CRADD: variants seen among roughly 807,000 people sequenced by gnomAD.
CRADD encodes the protein death domain-containing protein CRADD.
CRADD carries 9 observed loss-of-function variants against 15.5 expected under a neutral mutation model. The observed-to-expected ratio is 0.58, with a 90% CI of 0.35 to 1.01. CRADD has a LOEUF of 1.01. Ranked by LOEUF, CRADD falls within the 50% of genes least tolerant of loss-of-function variation. The pLI is 0.02. For missense variants in CRADD, 227 were observed against 250.3 expected, an observed-to-expected ratio of 0.91 and a Z score of 0.63; for synonymous variants, 118 against 107.6, an observed-to-expected ratio of 1.10 and a Z score of -0.60.
In CRADD at chr12:93,781,500, A is replaced by G. The variant is rs114914206; in HGVS notation, c.299-68470A>G. The stretch of plus-strand genomic sequence containing the variant: ...TAAGCAACAACCATTAATGAATGAT[A>G]AAATCAGGTAAAATTGGTGCTTTCT... On this transcript the variant is annotated intron_variant, in intron 2 of 2. Transcript: ENST00000332896. 8.5e-3 allele frequency among the ~76,000 whole-genome samples: 1,299 copies of G among 152,362 alleles called. 22 individuals are homozygous for G. The highest frequency in any genetic ancestry group is 0.03 in the African/African-American group (1,241 of 41,578).
At chr12:93,894,368 G>T in exon 3 of CRADD, 1 of 522,382 alleles carries the variant, frequency 1.9e-6, no homozygotes, top group Non-Finnish European at 3.4e-6. Context: ...AAAGAAGTAT[G>T]TTGTCCAAAA....
chr12:93,780,941 A>G (rs1378781710), intron 2 of CRADD, among the ~76,000 whole-genome samples: 2 of 148,392 alleles, frequency 1.3e-5, no homozygotes, highest in Non-Finnish European at 3.0e-5. Flanking sequence ...TTTTTAGTAG[A>G]GACACGGTTT....
intron 2 of CRADD, among the ~76,000 whole-genome samples, chr12:93,797,752 A>G (rs909511564): frequency 6.6e-6 from 1 of 152,198 alleles, no homozygotes; most frequent in African/African-American, 2.4e-5. Context: ...CACAAAGAAC[A>G]TTATAACAAT....
chr12:93,826,356 T>G (rs1957823811), intron 2 of CRADD, among the ~76,000 whole-genome samples: 1 of 152,358 alleles, frequency 6.6e-6, no homozygotes, highest in Non-Finnish European at 1.5e-5. Flanking sequence ...CGATTCTTTT[T>G]GTTGTTCCAA....
intron 2 of CRADD, among the ~76,000 whole-genome samples, chr12:93,858,885 A>T (rs887579899): frequency 6.6e-6 from 1 of 152,244 alleles, no homozygotes; most frequent in Non-Finnish European, 1.5e-5. Flanking sequence ...CAGGCCTTGT[A>T]GGTTTCCCCA....
intron 2 of CRADD, among the ~76,000 whole-genome samples, chr12:93,846,956 AG>A (rs1351527893): frequency 6.6e-6 from 1 of 152,050 alleles, no homozygotes; most frequent in East Asian, 1.9e-4. Context: ...AAAAAAAATT[AG>A]CCAGGCATGG....
intron 2 of CRADD, among the ~76,000 whole-genome samples, chr12:93,765,885 G>T (rs957718998): frequency 1.3e-5 from 2 of 151,816 alleles, no homozygotes; most frequent in Admixed American, 1.3e-4. Context: ...AGACTGTCAT[G>T]TATGATTTTA....
chr12:93,868,157 AG>A (rs1958386454), intron 2 of CRADD, among the ~76,000 whole-genome samples: 2 of 152,248 alleles, frequency 1.3e-5, no homozygotes, highest in Non-Finnish European at 2.9e-5. Flanking sequence ...AACTCCTACA[AG>A]TAATCCTATA....
Position 93,839,485 on chromosome 12 carries a change from C to T in CRADD, c.299-10485C>T, listed in dbSNP as rs186592657. 6.3e-4 allele frequency among the ~76,000 whole-genome samples: 96 copies of T among 152,282 alleles called. No homozygotes were observed. The East Asian group carries it at 9.6e-3, about 15-fold the overall frequency. ...CTTTTCTTGGGTACGTCTAACAGAA[C>T]AAGATTGGAAAGTACATTCAATTTT... On this transcript the variant is annotated intron_variant, in intron 2 of 2. Coordinates refer to ENST00000332896, the MANE Select transcript of CRADD (RefSeq NM_003805.5).
chr12:93,877,313 C>T (rs544096591), intron 2 of CRADD, among the ~76,000 whole-genome samples: 126 of 152,314 alleles, frequency 8.3e-4, no homozygotes, highest in African/African-American at 2.9e-3. Context: ...CCACTACTGC[C>T]TATGTAACCA....
chr12:93,706,183 T>C (rs1955947986), intron 2 of CRADD, among the ~76,000 whole-genome samples: 1 of 152,238 alleles, frequency 6.6e-6, no homozygotes, highest in Non-Finnish European at 1.5e-5. Context: ...CAAGCAAATA[T>C]GTGCAAATAT....
chr12:93,854,206 G>A (rs1331091800), downstream of CRADD, among the ~76,000 whole-genome samples: 4 of 146,256 alleles, frequency 2.7e-5, no homozygotes, highest in East Asian at 2.2e-4. Context: ...GGGCTCTCTC[G>A]TGTATCTGTG....
intron 2 of CRADD, among the ~76,000 whole-genome samples, chr12:93,805,872 A>G (rs1462274374): frequency 1.3e-5 from 2 of 152,118 alleles, no homozygotes; most frequent in Non-Finnish European, 2.9e-5. Context: ...ATAATGCGGC[A>G]TAGAGCTCAT....
intron 2 of CRADD, among the ~76,000 whole-genome samples, chr12:93,786,680 A>C (rs1448560226): frequency 6.6e-6 from 1 of 152,192 alleles, no homozygotes; most frequent in Non-Finnish European, 1.5e-5. Context: ...TAGAGGTAGA[A>C]GGCAGTAAAA....
chr12:93,725,475 A>G (rs1956344476), intron 2 of CRADD, among the ~76,000 whole-genome samples: 1 of 152,224 alleles, frequency 6.6e-6, no homozygotes, highest in South Asian at 2.1e-4. Flanking sequence ...TTGACTTGAA[A>G]GGCCCTCATT....
At chr12:93,749,546 CCCTT>C (rs1956807553) in intron 2 of CRADD, among the ~76,000 whole-genome samples, 1 of 152,148 alleles carries the variant, frequency 6.6e-6, no homozygotes. Context: ...TCCAGCCTTT[CCCTT>C]GTTTTTAACT....
chr12:93,770,241 G>T (rs376481298), intron 2 of CRADD, among the ~76,000 whole-genome samples: 6 of 151,282 alleles, frequency 4.0e-5, no homozygotes, highest in Admixed American at 6.6e-5. Flanking sequence ...GACTACAGGC[G>T]CCCGCCATCA....
At chr12:93,734,305 C>G (rs965356475) in intron 2 of CRADD, among the ~76,000 whole-genome samples, 1 of 152,062 alleles carries the variant, frequency 6.6e-6, no homozygotes, top group African/African-American at 2.4e-5. Context: ...ATTTCATTTG[C>G]TTTTTAAAAC....
At chr12:93,880,019 T>C (rs1006302077) in intron 2 of CRADD, among the ~76,000 whole-genome samples, 10 of 152,174 alleles carry the variant, frequency 6.6e-5, no homozygotes, top group Admixed American at 6.5e-4. Flanking sequence ...ATACAACAGA[T>C]GGTGACTTGT....
Sources: allele counts gnomAD v4.1 joint callset (sites outside exome capture counted in the v4.1 genomes callset), GRCh38; gene constraint gnomAD v4.1.1; transcripts MANE v1.5; gene names NCBI Gene and HGNC (gene_info 2026-07-23, HGNC 2026-07-21).